ASB5: variants seen among roughly 807,000 people sequenced by gnomAD.
The protein encoded by ASB5 is ankyrin repeat and SOCS box containing 5, also known as ankyrin repeat and SOCS box protein 5.
In ASB5, 45 loss-of-function variants were observed where a neutral mutation model predicts 42.1. The observed-to-expected ratio is 1.07, with a 90% CI of 0.84 to 1.37. The LOEUF is 1.37. ASB5 is among the 40% of genes most tolerant of loss of function. The pLI, the probability that ASB5 is intolerant of heterozygous loss-of-function variation, is 0.00. For missense variants in ASB5, 402 were observed against 399.8 expected (o/e 1.01, Z -0.05); for synonymous variants, 147 against 150.6 (o/e 0.98, Z 0.18).
At chr4:176,262,715 C>T (rs964427083) in intron 1 of ASB5, among the ~76,000 whole-genome samples, 5 of 152,060 alleles carry the variant, frequency 3.3e-5, no homozygotes, top group African/African-American at 1.2e-4. Context: ...ATCCTTAGGG[C>T]CTAGCACAAT....
At chr4:176,219,575 G>GATATATAAATAT (rs1554042708) in intron 5 of ASB5, among the ~76,000 whole-genome samples, 453 of 6,004 alleles carry the variant, frequency 0.075, 202 homozygotes, top group Non-Finnish European at 0.1. Flanking sequence ...ATATTTGTAT[G>GATATATAAATAT]ATATATATAT....
intron 1 of ASB5, among the ~76,000 whole-genome samples, chr4:176,259,323 C>A (rs912328534): frequency 2.0e-4 from 30 of 152,126 alleles, no homozygotes; most frequent in Non-Finnish European, 4.1e-4. Flanking sequence ...TCATTAGGTG[C>A]ATCATTTCAT....
intron 1 of ASB5, among the ~76,000 whole-genome samples, chr4:176,237,772 G>A (rs758012133): frequency 4.5e-4 from 68 of 152,300 alleles, no homozygotes; most frequent in Non-Finnish European, 5.9e-4. Context: ...GAGCTCTATC[G>A]TTAAAAGATA....
At chr4:176,249,858 G>T (rs1753991054) in intron 1 of ASB5, among the ~76,000 whole-genome samples, 1 of 152,018 alleles carries the variant, frequency 6.6e-6, no homozygotes, top group Non-Finnish European at 1.5e-5. Flanking sequence ...GAGGTCAGGA[G>T]ATGGAGACCA....
rs1403972178 is a variant in ASB5, at chr4:176,234,301, C to T, written c.197-8960G>A. Among the ~76,000 whole-genome samples the T allele has an allele frequency of 2.6e-5, 4 of 152,268 alleles. No individual in the cohort carries two copies. In the East Asian group the frequency reaches 5.8e-4, roughly 22 times the overall value. On this transcript the variant is annotated intron_variant, in intron 1 of 6. Transcript: ENST00000296525. ...CGGGTTCTACCCACTTTTTCCTAGG[C>T]CCATCATCCTCATCCAGACATACTG...
chr4:176,265,205 C>A (rs1754333683), intron 1 of ASB5, among the ~76,000 whole-genome samples: 1 of 152,058 alleles, frequency 6.6e-6, no homozygotes, highest in African/African-American at 2.4e-5. Context: ...TGTTACTTTT[C>A]TACTGCATGA....
At chr4:176,218,651 A>ATG (rs1753064165) in intron 5 of ASB5, among the ~76,000 whole-genome samples, 1 of 88,260 alleles carries the variant, frequency 1.1e-5, no homozygotes, top group African/African-American at 4.1e-5. Flanking sequence ...ATAAATATAT[A>ATG]TATTTGTATG....
intron 1 of ASB5, among the ~76,000 whole-genome samples, chr4:176,236,079 TAAAAC>T (rs1561258798): frequency 6.6e-6 from 1 of 152,194 alleles, no homozygotes; most frequent in African/African-American, 2.4e-5. Flanking sequence ...ATTTTTGACA[TAAAAC>T]GATAGCTTAT....
chr4:176,266,508 T>C (rs1754359817), intron 1 of ASB5, among the ~76,000 whole-genome samples: 1 of 152,102 alleles, frequency 6.6e-6, no homozygotes, highest in Admixed American at 6.6e-5. Flanking sequence ...GAAAAAGCTA[T>C]GTTAAAATGT....
intron 1 of ASB5, among the ~76,000 whole-genome samples, chr4:176,232,688 C>A (rs1004216773): frequency 6.6e-5 from 10 of 152,158 alleles, no homozygotes; most frequent in Admixed American, 4.6e-4. Context: ...AACCACAGAG[C>A]CACAGAAATC....
At chr4:176,239,343 TAAC>T (rs1349741361) in intron 1 of ASB5, among the ~76,000 whole-genome samples, 1 of 152,196 alleles carries the variant, frequency 6.6e-6, no homozygotes, top group Middle Eastern at 3.2e-3. Flanking sequence ...TATTATTCTG[TAAC>T]AACAAAAGCT....
chr4:176,245,181 A>T (rs1294979650), intron 1 of ASB5, among the ~76,000 whole-genome samples: 2 of 152,224 alleles, frequency 1.3e-5, no homozygotes, highest in Admixed American at 6.5e-5. Flanking sequence ...ATCTACAAAG[A>T]ACTTAAATAA....
chr4:176,262,673 T>G (rs1754286280), intron 1 of ASB5, among the ~76,000 whole-genome samples: 1 of 152,192 alleles, frequency 6.6e-6, no homozygotes, highest in Non-Finnish European at 1.5e-5. Flanking sequence ...GTGTACACTG[T>G]TGGGAAAGAC....
At position 176,240,331 on chromosome 4, in the gene ASB5, G is replaced by C. The variant is rs75300794; in HGVS notation, c.197-14990C>G. On this transcript the variant is annotated intron_variant, in intron 1 of 6. Coordinates refer to ENST00000296525, the MANE Select transcript of ASB5 (RefSeq NM_080874.4). Reference sequence around the variant, plus strand: ...CTAAAATAAAATGTTAAACCTTATAGGATATGAAACAAAGGCAATTCTATC... The same window carrying C: ...CTAAAATAAAATGTTAAACCTTATACGATATGAAACAAAGGCAATTCTATC... Among the ~76,000 whole-genome samples the C allele has an allele frequency of 8.0e-3, 1,211 of 152,288 alleles. 10 individuals are homozygous for C. Among genetic ancestry groups the C allele is most frequent in the Non-Finnish European group, 0.014 (930 of 68,018 alleles).
chr4:176,256,123 G>A (rs1754151464), intron 1 of ASB5, among the ~76,000 whole-genome samples: 1 of 152,144 alleles, frequency 6.6e-6, no homozygotes, highest in African/African-American at 2.4e-5. Flanking sequence ...TCCATTTTGA[G>A]AGAGTTCTTT....
intron 1 of ASB5, among the ~76,000 whole-genome samples, chr4:176,264,076 C>A (rs2126977904): frequency 6.6e-6 from 1 of 152,016 alleles, no homozygotes; most frequent in Middle Eastern, 3.4e-3. Context: ...AATGGCAACC[C>A]TAAAACAAAA....
At chr4:176,241,918 T>G (rs1753819360) in intron 1 of ASB5, among the ~76,000 whole-genome samples, 1 of 152,152 alleles carries the variant, frequency 6.6e-6, no homozygotes, top group Non-Finnish European at 1.5e-5. Context: ...ATCACCATCT[T>G]TGTCCTCAAT....
chr4:176,219,103 T>TATATATATATTTGTATG (rs996501051), intron 5 of ASB5, among the ~76,000 whole-genome samples: 5 of 103,366 alleles, frequency 4.8e-5, no homozygotes, highest in Non-Finnish European at 8.7e-5. Context: ...TATATAAATA[T>TATATATATATTTGTATG]ATATATATAT....
Position 176,225,318 on chromosome 4 carries a change from GT to G in ASB5, c.219del (p.Leu74TyrfsTer13). ...QGQGSWADRS[P>X]LHEAASQGRL... ...CGACCTTGACTTGCTGCTTCATGTA[GT>G]GGTGATCGATCTGCCCAGGAACCTG... On this transcript the variant is annotated frameshift_variant, in exon 2 of 7. Transcript: ENST00000296525. LOFTEE classifies it high-confidence loss of function. 2 of 1,614,060 alleles carry G rather than the reference GT, an allele frequency of 1.2e-6. No homozygotes were observed. The highest frequency in any genetic ancestry group is 1.7e-6 in the Non-Finnish European group (2 of 1,179,986).
Sources: allele counts gnomAD v4.1 joint callset (sites outside exome capture counted in the v4.1 genomes callset), GRCh38; gene constraint gnomAD v4.1.1; transcripts MANE v1.5; gene names NCBI Gene and HGNC (gene_info 2026-07-23, HGNC 2026-07-21).